Variants in BCAS1 observed in about 807,000 individuals in gnomAD.
BCAS1 encodes the protein breast carcinoma-amplified sequence 1.
A neutral mutation model predicts 65.4 loss-of-function variants in BCAS1; 46 were observed. The observed-to-expected ratio is 0.70, with a 90% CI of 0.55 to 0.90. The LOEUF (loss-of-function observed/expected upper bound fraction) is 0.90, where lower values mean the gene tolerates loss of function less well. Among genes scored for constraint, BCAS1 ranks in the 40% least tolerant of loss-of-function variants. The pLI is 0.00. For synonymous variants in BCAS1, 298 were observed against 293.5 expected, an observed-to-expected ratio of 1.02 and a Z score of -0.16; for missense variants, 793 against 771.2, an observed-to-expected ratio of 1.03 and a Z score of -0.33.
At position 53,945,406 on chromosome 20, in the gene BCAS1, T is replaced by TC. The variant is rs1376723727; in HGVS notation, c.1816-411_1816-410insG. ...TCACCACCCTGTTTTATTTTCTTCTTTTTTTTTTATTATACTTTTAAGTTC... is the reference window on the plus strand; with the variant it reads ...TCACCACCCTGTTTTATTTTCTTCTTCTTTTTTTTATTATACTTTTAAGTTC... On this transcript the variant is annotated intron_variant, in intron 12 of 12. Transcript: ENST00000688948. 5.9e-4 allele frequency among the ~76,000 whole-genome samples: 52 copies of TC among 88,584 alleles called. 2 individuals carry two copies. The highest frequency in any genetic ancestry group is 5.2e-3 in the Admixed American group (51 of 9,718). The allele number at this position is 88,584 out of a possible 152,430, so 58.1% of individuals were successfully genotyped here.
Position 54,016,349 on chromosome 20 carries a change from T to C in BCAS1, c.723+12043A>G, listed in dbSNP as rs561643054. Among the ~76,000 whole-genome samples, 3 of 152,354 alleles carry C rather than the reference T, an allele frequency of 2.0e-5. No homozygotes were observed. In the East Asian group the frequency reaches 5.8e-4, roughly 29 times the overall value. On this transcript the variant is annotated intron_variant, in intron 4 of 12. Coordinates refer to ENST00000688948, the MANE Select transcript of BCAS1 (RefSeq NM_001366298.2). ...ATTTTTTATTGATGCATAATAGATG[T>C]ACATAATTTTGGGGTACGTGTGATA...
chr20:53,971,140 C>T (rs2090168813), intron 9 of BCAS1, among the ~76,000 whole-genome samples: 1 of 152,220 alleles, frequency 6.6e-6, no homozygotes, highest in African/African-American at 2.4e-5. Flanking sequence ...TTTACCCTAC[C>T]TTCCTGTAAA....
At chr20:53,971,015 G>A (rs1018339606) in intron 9 of BCAS1, among the ~76,000 whole-genome samples, 1 of 151,888 alleles carries the variant, frequency 6.6e-6, no homozygotes, top group Non-Finnish European at 1.5e-5. Context: ...TCAAGACTAT[G>A]TAATTTGGAT....
chr20:53,988,856 T>G (rs1392679271), intron 7 of BCAS1, among the ~76,000 whole-genome samples: 1 of 152,164 alleles, frequency 6.6e-6, no homozygotes, highest in Non-Finnish European at 1.5e-5. Flanking sequence ...AGCTGACAGC[T>G]GAATCCAGGG....
Position 54,041,395 on chromosome 20 carries a change from G to A in BCAS1, c.143-12423C>T, listed in dbSNP as rs140816389. On this transcript the variant is annotated intron_variant, in intron 3 of 12. Coordinates refer to ENST00000688948, the MANE Select transcript of BCAS1 (RefSeq NM_001366298.2). Reference sequence around the variant, plus strand: ...AGCAACACAGCACCAAGGGGTGGGGGTAGGAAACAGACAACAAATAGGAGT... The same window carrying A: ...AGCAACACAGCACCAAGGGGTGGGGATAGGAAACAGACAACAAATAGGAGT... 1.2e-3 allele frequency among the ~76,000 whole-genome samples: 173 copies of A among 141,440 alleles called. 2 individuals carry two copies. The highest frequency in any genetic ancestry group is 8.0e-3 in the Middle Eastern group (2 of 250). 92.8% of individuals were successfully genotyped at this position (141,440 alleles called of 152,430 possible).
rs6097743 is a variant in BCAS1 at position 54,046,955 on chromosome 20, C to T, written c.142+11130G>A. Among the ~76,000 whole-genome samples the T allele has an allele frequency of 5.3e-3, 804 of 152,126 alleles. 4 individuals are homozygous for T. The highest frequency in any genetic ancestry group is 8.1e-3 in the African/African-American group (336 of 41,486). ...CTTGAAAGGATGAAGATGGCTGGGA[C>T]GGCTCACACAGGGACATATGTCTGG... On this transcript the variant is annotated intron_variant, in intron 3 of 12. Coordinates refer to ENST00000688948, the MANE Select transcript of BCAS1 (RefSeq NM_001366298.2).
intron 11 of BCAS1, among the ~76,000 whole-genome samples, chr20:53,954,293 T>C (rs997115700): frequency 6.7e-5 from 4 of 59,290 alleles, no homozygotes; most frequent in Non-Finnish European, 1.0e-4. Flanking sequence ...AGCTGAGAAA[T>C]GGAGAGAGAG....
chr20:54,055,180 A>G (rs1202857176), intron 3 of BCAS1, among the ~76,000 whole-genome samples: 1 of 152,238 alleles, frequency 6.6e-6, no homozygotes, highest in African/African-American at 2.4e-5. Context: ...CCGATTAAAA[A>G]TTGGGACAAA....
intron 2 of BCAS1, among the ~76,000 whole-genome samples, chr20:54,058,409 G>A (rs893951657): frequency 7.2e-5 from 11 of 152,046 alleles, no homozygotes; most frequent in African/African-American, 2.4e-4. Flanking sequence ...AGGAAGCTCT[G>A]ACCCGTCGCA....
At chr20:54,057,279 T>A (rs1488756716) in intron 3 of BCAS1, among the ~76,000 whole-genome samples, 4 of 152,322 alleles carry the variant, frequency 2.6e-5, no homozygotes, top group Admixed American at 6.5e-5. Context: ...CTGTGCACAT[T>A]TGGGGAAAAG....
chr20:54,035,382 C>T (rs1600946466), intron 3 of BCAS1, among the ~76,000 whole-genome samples: 1 of 111,700 alleles, frequency 9.0e-6, no homozygotes, highest in African/African-American at 3.4e-5. Context: ...GCCTGGGCGA[C>T]AGAGTGAGAC....
intron 3 of BCAS1, among the ~76,000 whole-genome samples, chr20:54,043,859 G>A (rs1380945479): frequency 1.3e-5 from 2 of 152,210 alleles, no homozygotes; most frequent in Non-Finnish European, 2.9e-5. Flanking sequence ...CCCACACAAG[G>A]AGGCAGGCTC....
At chr20:53,951,085 G>C (rs1348380977) in intron 12 of BCAS1, among the ~76,000 whole-genome samples, 2 of 152,254 alleles carry the variant, frequency 1.3e-5, no homozygotes, top group African/African-American at 4.8e-5. Flanking sequence ...CTATTGTAGA[G>C]GCTGGCTTCT....
At chr20:54,058,559 C>T in intron 2 of BCAS1, 88 bp downstream of exon 2, 2 of 1,527,612 alleles carry the variant, frequency 1.3e-6, no homozygotes, top group Admixed American at 2.2e-5. Flanking sequence ...GCAGCCAGGA[C>T]TTCAGTCAAC....
intron 3 of BCAS1, among the ~76,000 whole-genome samples, chr20:54,056,960 C>T (rs2092305914): frequency 6.6e-6 from 1 of 152,146 alleles, no homozygotes; most frequent in Admixed American, 6.5e-5. Context: ...GCCAGAGGTT[C>T]AGAGAGGTTA....
chr20:54,046,662 T>C (rs2092113726), intron 3 of BCAS1, among the ~76,000 whole-genome samples: 2 of 150,434 alleles, frequency 1.3e-5, no homozygotes, highest in African/African-American at 4.9e-5. Context: ...CTGGCCAACA[T>C]GGTGAAAACC....
intron 4 of BCAS1, among the ~76,000 whole-genome samples, chr20:54,024,499 G>A (rs999122529): frequency 6.6e-6 from 1 of 152,210 alleles, no homozygotes; most frequent in Non-Finnish European, 1.5e-5. Flanking sequence ...TGAGACTCAC[G>A]TCTGGACTTC....
At chr20:54,055,107 C>T (rs1352812267) in intron 3 of BCAS1, among the ~76,000 whole-genome samples, 3 of 152,018 alleles carry the variant, frequency 2.0e-5, no homozygotes, top group Admixed American at 6.6e-5. Context: ...ACAATTTTTC[C>T]CTATTCATTC....
chr20:54,059,125 C>CCAGAGAGGCTAATTAA (rs2092345297), intron 1 of BCAS1, among the ~76,000 whole-genome samples: 1 of 152,184 alleles, frequency 6.6e-6, no homozygotes, highest in African/African-American at 2.4e-5. Context: ...GATCCAATTA[C>CCAGAGAGGCTAATTAA]CTCCACCTGG....
Sources: allele counts gnomAD v4.1 joint callset (sites outside exome capture counted in the v4.1 genomes callset), GRCh38; gene constraint gnomAD v4.1.1; transcripts MANE v1.5; gene names NCBI Gene and HGNC (gene_info 2026-07-23, HGNC 2026-07-21).